The following ANKFN1 variants were observed in gnomAD, a reference collection of about 807,000 sequenced individuals.
ANKFN1 encodes ankyrin repeat and fibronectin type-III domain-containing protein 1.
Under a neutral mutation model 108.7 loss-of-function variants are expected in ANKFN1, and 74 were observed. That is an observed-to-expected ratio of 0.68 (90% confidence interval 0.56 to 0.83). The LOEUF (loss-of-function observed/expected upper bound fraction) is 0.83. Ranked by LOEUF, ANKFN1 falls within the 40% of genes least tolerant of loss-of-function variation. ANKFN1 has a pLI of 0.00. For missense variants in ANKFN1, 1,505 were observed against 1,382.3 expected (o/e 1.09, Z -1.41); for synonymous variants, 547 against 516.2 (o/e 1.06, Z -0.81).
intron 6 of ANKFN1, among the ~76,000 whole-genome samples, chr17:56,354,955 G>T (rs1314775600): frequency 6.6e-6 from 1 of 152,126 alleles, no homozygotes; most frequent in African/African-American, 2.4e-5. Flanking sequence ...ACCCAGTAGT[G>T]GGATTGCTGC....
intron 4 of ANKFN1, among the ~76,000 whole-genome samples, chr17:56,110,794 A>C (rs1300125675): frequency 6.6e-6 from 1 of 152,200 alleles, no homozygotes; most frequent in Non-Finnish European, 1.5e-5. Context: ...AAAAGTCCTA[A>C]CCTAAAATGT....
chr17:56,436,884 C>A (rs2048949245), intron 8 of ANKFN1, among the ~76,000 whole-genome samples: 1 of 151,858 alleles, frequency 6.6e-6, no homozygotes, highest in South Asian at 2.1e-4. Flanking sequence ...AAAGTGACTC[C>A]TGCTCACTCT....
At chr17:56,227,609 G>A (rs1916379443) in intron 2 of ANKFN1, among the ~76,000 whole-genome samples, 1 of 152,078 alleles carries the variant, frequency 6.6e-6, no homozygotes, top group South Asian at 2.1e-4. Context: ...GACTTACCAT[G>A]TTTTCTGTCT....
chr17:56,220,135 C>A (rs909507564), intron 2 of ANKFN1, among the ~76,000 whole-genome samples: 5 of 152,186 alleles, frequency 3.3e-5, no homozygotes, highest in African/African-American at 1.2e-4. Flanking sequence ...AAGCATTCAA[C>A]AAGGCACTCC....
intron 3 of ANKFN1, among the ~76,000 whole-genome samples, chr17:56,283,701 G>A (rs2044145674): frequency 6.6e-6 from 1 of 151,794 alleles, no homozygotes; most frequent in Non-Finnish European, 1.5e-5. Context: ...GGATGCAAAG[G>A]CATAAGAATG....
At chr17:56,073,443 A>G (rs1045803680) in intron 4 of ANKFN1, among the ~76,000 whole-genome samples, 5 of 152,148 alleles carry the variant, frequency 3.3e-5, no homozygotes, top group Admixed American at 6.5e-5. Flanking sequence ...ATGTCTGTTC[A>G]TTTGTGAGTT....
intron 4 of ANKFN1, among the ~76,000 whole-genome samples, chr17:56,094,659 A>AGG (rs1341903748): frequency 1.2e-5 from 1 of 81,542 alleles, no homozygotes; most frequent in Non-Finnish European, 2.8e-5. Flanking sequence ...GCACACCACC[A>AGG]CGCCCAGCTA....
At chr17:56,117,491 T>C (rs1906353743) in intron 4 of ANKFN1, among the ~76,000 whole-genome samples, 1 of 152,292 alleles carries the variant, frequency 6.6e-6, no homozygotes, top group East Asian at 1.9e-4. Flanking sequence ...ACCCAGGGCA[T>C]TTGCAAAATC....
chr17:56,470,647 CG>C (rs2050286210), intron 15 of ANKFN1, among the ~76,000 whole-genome samples: 1 of 152,060 alleles, frequency 6.6e-6, no homozygotes, highest in Non-Finnish European at 1.5e-5. Context: ...TGATCCACGA[CG>C]GGGTTTTCAA....
At chr17:56,160,608 A>C (rs1225485059) in intron 1 of ANKFN1, among the ~76,000 whole-genome samples, 1 of 152,222 alleles carries the variant, frequency 6.6e-6, no homozygotes, top group East Asian at 1.9e-4. Flanking sequence ...TTCCAGGAAA[A>C]AAATGGAACA....
intron 4 of ANKFN1, among the ~76,000 whole-genome samples, chr17:56,073,954 G>C (rs1905150091): frequency 6.6e-6 from 1 of 152,140 alleles, no homozygotes; most frequent in African/African-American, 2.4e-5. Context: ...TGTTACTTGA[G>C]CATTTGTGTA....
chr17:56,380,177 C>T (rs1307024142), intron 8 of ANKFN1, among the ~76,000 whole-genome samples: 1 of 152,186 alleles, frequency 6.6e-6, no homozygotes, highest in African/African-American at 2.4e-5. Flanking sequence ...TCTATACTTC[C>T]TATTGAGTTT....
At chr17:56,126,182 A>C (rs1213029668) in intron 4 of ANKFN1, among the ~76,000 whole-genome samples, 1 of 152,108 alleles carries the variant, frequency 6.6e-6, no homozygotes, top group African/African-American at 2.4e-5. Context: ...CAAATACCAC[A>C]TTCAGTCCTC....
At chr17:56,082,832 C>A (rs1905264836) in intron 4 of ANKFN1, among the ~76,000 whole-genome samples, 1 of 141,350 alleles carries the variant, frequency 7.1e-6, no homozygotes. Flanking sequence ...CAATGGAGGA[C>A]AACCAGTTGC....
chr17:56,240,420 T>C (rs1018534157), intron 3 of ANKFN1, among the ~76,000 whole-genome samples: 6 of 152,148 alleles, frequency 3.9e-5, no homozygotes, highest in Admixed American at 3.9e-4. Flanking sequence ...AATATATTGC[T>C]ATTTTCATTC....
chr17:56,481,062 C>G (rs2050682187), intron 17 of ANKFN1, among the ~76,000 whole-genome samples: 2 of 136,114 alleles, frequency 1.5e-5, no homozygotes, highest in South Asian at 4.5e-4. Context: ...CTGGACCCCA[C>G]TGTACTATGG....
intron 4 of ANKFN1, among the ~76,000 whole-genome samples, chr17:56,056,354 G>A (rs1598084344): frequency 1.5e-5 from 2 of 133,594 alleles, no homozygotes; most frequent in African/African-American, 3.2e-5. Flanking sequence ...AAAAGACCCT[G>A]AATAGTCAAA....
At chr17:56,306,695 A>G (rs2044837640) in intron 3 of ANKFN1, among the ~76,000 whole-genome samples, 1 of 152,200 alleles carries the variant, frequency 6.6e-6, no homozygotes, top group South Asian at 2.1e-4. Context: ...CCAAGCTACC[A>G]ATGACTTTCT....
upstream of ANKFN1, among the ~76,000 whole-genome samples, chr17:56,152,798 A>G (rs1210046351): frequency 6.6e-6 from 1 of 152,222 alleles, no homozygotes; most frequent in Non-Finnish European, 1.5e-5. Flanking sequence ...AAGCATGCAC[A>G]TAATGTGCCT....
Sources: gnomAD v4.1 joint callset for allele counts (sites outside exome capture counted in the v4.1 genomes callset) on GRCh38, gnomAD v4.1.1 for gene constraint, MANE v1.5 for transcripts, NCBI Gene and HGNC (gene_info 2026-07-23, HGNC 2026-07-21) for gene names.